PSTPIP2: variants seen among roughly 807,000 people sequenced by gnomAD.
PSTPIP2 encodes the protein proline-serine-threonine phosphatase interacting protein 2, also known as proline-serine-threonine phosphatase-interacting protein 2.
PSTPIP2 carries 33 observed loss-of-function variants against 63.3 expected under a neutral mutation model. The ratio of observed to expected loss-of-function variants is 0.52; its 90% CI spans 0.40 to 0.70. The LOEUF is 0.70. PSTPIP2 is among the 30% of genes least tolerant of loss of function. The probability of loss-of-function intolerance (pLI) is 0.00; values close to 1 mark genes in which losing one functional copy is unlikely to be tolerated. For synonymous variants in PSTPIP2, 125 were observed against 132.7 expected (o/e 0.94, Z 0.40); for missense variants, 312 against 400.7 (o/e 0.78, Z 1.89).
chr18:46,006,522 C>T (rs942390733), intron 5 of PSTPIP2, among the ~76,000 whole-genome samples: 11 of 151,470 alleles, frequency 7.3e-5, no homozygotes, highest in Admixed American at 3.3e-4. Flanking sequence ...TGCAGGCACC[C>T]GCCACCACGC....
At position 46,039,986 on chromosome 18, in the gene PSTPIP2, C is replaced by A. The variant is rs923145565; in HGVS notation, c.95G>T (p.Arg32Leu). The part of the protein sequence containing the change: ...DNIIQHLNNG[R>L]KNCKEFEDFL... ...GTCTTCAAACTCTTTGCAGTTCTTG[C>A]GGCCATTGTTCAGATGTTGGATAAT... Residue 32 changes from arginine (R) to leucine (L), a missense_variant, in exon 2 of 15, where the codon CGC (arginine) becomes CTC (leucine). Coordinates refer to ENST00000409746, the MANE Select transcript of PSTPIP2 (RefSeq NM_024430.4). 1.2e-6 allele frequency: 2 copies of A among 1,613,548 alleles called. No homozygotes were observed. The highest frequency in any genetic ancestry group is 1.7e-6 in the Non-Finnish European group (2 of 1,179,650).
intron 1 of PSTPIP2, among the ~76,000 whole-genome samples, chr18:46,040,716 G>A (rs963068119): frequency 6.6e-6 from 1 of 152,204 alleles, no homozygotes; most frequent in Non-Finnish European, 1.5e-5. Context: ...CAAGACACAG[G>A]TAGCTAAGAA....
intron 13 of PSTPIP2, among the ~76,000 whole-genome samples, chr18:45,989,138 C>T (rs566354020): frequency 6.6e-6 from 1 of 152,076 alleles, no homozygotes; most frequent in South Asian, 2.1e-4. Flanking sequence ...TTTTTTCCAT[C>T]ACTAAATTTT....
At chr18:46,052,459 C>A (rs1444733879) in intron 1 of PSTPIP2, among the ~76,000 whole-genome samples, 2 of 152,190 alleles carry the variant, frequency 1.3e-5, no homozygotes, top group Admixed American at 1.3e-4. Context: ...GACCTAACCA[C>A]AACCCTGTAA....
In PSTPIP2 at chr18:46,064,282, C is replaced by CTTT. The variant is rs56236802; in HGVS notation, c.33+7871_33+7873dup. 8.4e-4 allele frequency among the ~76,000 whole-genome samples: 60 copies of CTTT among 71,544 alleles called. 5 individuals are homozygous for CTTT. The highest frequency in any genetic ancestry group is 3.3e-3 in the African/African-American group (51 of 15,426). 46.9% of individuals were successfully genotyped at this position (71,544 alleles called of 152,430 possible). On this transcript the variant is annotated intron_variant, in intron 1 of 14. Coordinates refer to ENST00000409746, the MANE Select transcript of PSTPIP2 (RefSeq NM_024430.4). ...CTTTTTTTCTTCTTTCTTTTTCTTTCTTTTTTTTTTTTTTTTTTTTTTTTT... is the reference window on the plus strand; with the variant it reads ...CTTTTTTTCTTCTTTCTTTTTCTTTCTTTTTTTTTTTTTTTTTTTTTTTTTTTT...
At chr18:46,052,225 G>A (rs1908606824) in intron 1 of PSTPIP2, among the ~76,000 whole-genome samples, 1 of 152,178 alleles carries the variant, frequency 6.6e-6, no homozygotes, top group Non-Finnish European at 1.5e-5. Flanking sequence ...AAACCCAGGG[G>A]AATGTCCAAC....
rs1317430919 is a variant in PSTPIP2 at position 46,011,191 on chromosome 18, T to A, written c.344A>T (p.Gln115Leu). ...GTATGCAAATCCAACCTTTTTTCGT[T>A]GTAGTTTTTGCTTTTCCCTGAATTC... ...MEEFREKQKL[Q>L]RKKTELIMDA... The change falls in exon 5 of 15, where the codon CAA (glutamine) becomes CTA (leucine). Residue 115 changes from glutamine (Q) to leucine (L), a missense_variant. Physicochemically the swap from Gln to Leu is moderately radical, Grantham distance 113. Transcript: ENST00000409746. The A allele has an allele frequency of 1.2e-6, 2 of 1,613,042 alleles. No individual in the cohort carries two copies. The highest frequency in any genetic ancestry group is 1.7e-6 in the Non-Finnish European group (2 of 1,179,130).
At chr18:46,059,331 C>T (rs951541936) in intron 1 of PSTPIP2, among the ~76,000 whole-genome samples, 2 of 152,176 alleles carry the variant, frequency 1.3e-5, no homozygotes, top group Non-Finnish European at 2.9e-5. Flanking sequence ...TCACTGCAAC[C>T]TCTGCCTTCC....
chr18:46,060,011 A>G (rs528646256), intron 1 of PSTPIP2, among the ~76,000 whole-genome samples: 37 of 152,346 alleles, frequency 2.4e-4, no homozygotes, highest in African/African-American at 8.7e-4. Context: ...AGACTGGGCA[A>G]CAAGAGTGAA....
intron 3 of PSTPIP2, among the ~76,000 whole-genome samples, chr18:46,018,786 A>G (rs1287948986): frequency 6.6e-6 from 1 of 152,222 alleles, no homozygotes; most frequent in East Asian, 1.9e-4. Context: ...CTAAGTGACC[A>G]CTGAAAGACA....
intron 3 of PSTPIP2, chr18:46,016,224 A>T: frequency 2.8e-6 from 1 of 352,814 alleles, no homozygotes; most frequent in Non-Finnish European, 5.3e-6. Context: ...TCCTTTTCTC[A>T]TAAGAATACC....
At chr18:46,054,504 G>T (rs894774108) in intron 1 of PSTPIP2, among the ~76,000 whole-genome samples, 1 of 152,078 alleles carries the variant, frequency 6.6e-6, no homozygotes, top group African/African-American at 2.4e-5. Context: ...GAGCTTCAGT[G>T]AATAATAATG....
intron 5 of PSTPIP2, among the ~76,000 whole-genome samples, chr18:46,006,056 C>A (rs570377323): frequency 1.3e-5 from 2 of 151,906 alleles, no homozygotes; most frequent in African/African-American, 4.8e-5. Context: ...TCTTTTATTC[C>A]ATTTTTTTAT....
At chr18:46,042,756 C>T (rs28391547) in intron 1 of PSTPIP2, among the ~76,000 whole-genome samples, 2,228 of 152,244 alleles carry the variant, frequency 0.015, 38 homozygotes, top group Admixed American at 0.037. Context: ...GAGAAAGACA[C>T]TGGAGGATGT....
Position 45,985,276 on chromosome 18 carries a change from G to T in PSTPIP2, c.*183C>A. 1 of 761,130 alleles carries T rather than the reference G, an allele frequency of 1.3e-6. No homozygotes were observed. Among genetic ancestry groups the T allele is most frequent in the Non-Finnish European group, 2.1e-6 (1 of 484,712 alleles). The allele number at this position is 761,130 out of a possible 1,614,324, so 47.1% of individuals were successfully genotyped here. On this transcript the variant is annotated 3_prime_UTR_variant, in exon 15 of 15. Transcript: ENST00000409746. The stretch of plus-strand genomic sequence containing the variant: ...AATTTGTAAACTTCAAAAAACTGCA[G>T]AACTCTACTTGCTTATGTTGTCCTA...
At chr18:46,037,526 A>G (rs1467802613) in intron 2 of PSTPIP2, among the ~76,000 whole-genome samples, 1 of 152,194 alleles carries the variant, frequency 6.6e-6, no homozygotes, top group Non-Finnish European at 1.5e-5. Flanking sequence ...AGATGATGGC[A>G]CAAATGCAGC....
intron 2 of PSTPIP2, chr18:46,029,768 T>C: frequency 1.8e-6 from 1 of 553,178 alleles, no homozygotes; most frequent in Non-Finnish European, 3.4e-6. Context: ...ATTTCTCATG[T>C]TTACGCCATG....
intron 3 of PSTPIP2, among the ~76,000 whole-genome samples, chr18:46,023,132 G>A (rs1010000107): frequency 6.6e-6 from 1 of 152,188 alleles, no homozygotes; most frequent in Non-Finnish European, 1.5e-5. Context: ...AGGATGGGAA[G>A]AGGAAGAGGA....
chr18:46,023,686 A>G (rs1236957753), intron 3 of PSTPIP2, among the ~76,000 whole-genome samples: 1 of 152,054 alleles, frequency 6.6e-6, no homozygotes, highest in Non-Finnish European at 1.5e-5. Context: ...TTTACTTAGG[A>G]TAGATATTAT....
Sources: gnomAD v4.1 joint callset for allele counts (sites outside exome capture counted in the v4.1 genomes callset) on GRCh38, gnomAD v4.1.1 for gene constraint, MANE v1.5 for transcripts, NCBI Gene and HGNC (gene_info 2026-07-23, HGNC 2026-07-21) for gene names.